The following PTPRN2 variants were observed in gnomAD, a reference collection of about 807,000 sequenced individuals.
PTPRN2 encodes protein tyrosine phosphatase receptor type N2.
A neutral mutation model predicts 118.8 loss-of-function variants in PTPRN2; 74 were observed. That is an observed-to-expected ratio of 0.62 (90% CI 0.52 to 0.76). PTPRN2 has a LOEUF of 0.76. Among genes scored for constraint, PTPRN2 ranks in the 30% least tolerant of loss-of-function variants. The pLI is 0.00. For synonymous variants in PTPRN2, 641 were observed against 608.0 expected, an observed-to-expected ratio of 1.05 and a Z score of -0.80; for missense variants, 1,481 against 1,394.4, an observed-to-expected ratio of 1.06 and a Z score of -0.99.
At chr7:157,834,532 A>C (rs58299057) in intron 12 of PTPRN2, among the ~76,000 whole-genome samples, 11,049 of 129,640 alleles carry the variant, frequency 0.085, 1,301 homozygotes, top group African/African-American at 0.25. Context: ...AGTGAGCCAG[A>C]AGCACTCCCT....
chr7:158,071,376 G>C (rs1296787850), intron 11 of PTPRN2, among the ~76,000 whole-genome samples: 1 of 110,194 alleles, frequency 9.1e-6, no homozygotes, highest in Non-Finnish European at 1.9e-5. Context: ...CATGGTGGTG[G>C]AGGTGCTCGT....
At chr7:158,168,384 G>A (rs1823225444) in intron 5 of PTPRN2, among the ~76,000 whole-genome samples, 1 of 152,178 alleles carries the variant, frequency 6.6e-6, no homozygotes, top group Non-Finnish European at 1.5e-5. Context: ...GGTGGCTAAT[G>A]ATGCTGCATC....
chr7:158,263,621 T>C (rs1488927691), intron 3 of PTPRN2, among the ~76,000 whole-genome samples: 1 of 152,142 alleles, frequency 6.6e-6, no homozygotes, highest in African/African-American at 2.4e-5. Flanking sequence ...TGGGTGAGGG[T>C]CTACTTCCAA....
intron 3 of PTPRN2, among the ~76,000 whole-genome samples, chr7:158,299,627 G>T (rs1239918328): frequency 1.1e-4 from 16 of 152,100 alleles, no homozygotes; most frequent in Non-Finnish European, 1.3e-4. Flanking sequence ...CATTAACATG[G>T]CAAAGACAGA....
intron 13 of PTPRN2, among the ~76,000 whole-genome samples, chr7:157,662,647 G>C (rs1042988474): frequency 6.6e-6 from 1 of 152,190 alleles, no homozygotes; most frequent in African/African-American, 2.4e-5. Flanking sequence ...GCAGGCATGG[G>C]GCCTGGAGGT....
At chr7:158,551,547 T>G (rs1364232739) in intron 1 of PTPRN2, among the ~76,000 whole-genome samples, 3 of 137,020 alleles carry the variant, frequency 2.2e-5, no homozygotes, top group Non-Finnish European at 4.7e-5. Flanking sequence ...ACACATGCAT[T>G]TGGGGGCCCC....
At chr7:158,353,898 C>G (rs1808191646) in intron 2 of PTPRN2, among the ~76,000 whole-genome samples, 1 of 152,182 alleles carries the variant, frequency 6.6e-6, no homozygotes, top group African/African-American at 2.4e-5. Context: ...AAGGGAGAAA[C>G]AGCCCTGAGG....
intron 10 of PTPRN2, among the ~76,000 whole-genome samples, chr7:158,098,184 G>C (rs991613675): frequency 2.6e-5 from 4 of 152,242 alleles, no homozygotes; most frequent in Admixed American, 6.5e-5. Flanking sequence ...CCCAGCGTGG[G>C]GCAGCCTCTG....
At chr7:158,577,598 CTG>C (rs1828409491) in intron 1 of PTPRN2, among the ~76,000 whole-genome samples, 1 of 152,398 alleles carries the variant, frequency 6.6e-6, no homozygotes, top group South Asian at 2.1e-4. Flanking sequence ...CTGCACAACA[CTG>C]TGGGCTCCTA....
intron 11 of PTPRN2, among the ~76,000 whole-genome samples, chr7:157,997,230 CTG>C (rs1408843491): frequency 2.0e-5 from 3 of 152,232 alleles, no homozygotes; most frequent in Admixed American, 1.3e-4. Flanking sequence ...TCCATTTGCT[CTG>C]TGTCTGTGGA....
chr7:158,153,175 A>G (rs1821371646), intron 6 of PTPRN2, among the ~76,000 whole-genome samples: 1 of 152,284 alleles, frequency 6.6e-6, no homozygotes, highest in Non-Finnish European at 1.5e-5. Context: ...CCAGGCCATC[A>G]AGCATTCGGA....
At chr7:157,687,198 G>C (rs28651953) in intron 12 of PTPRN2, among the ~76,000 whole-genome samples, 1 of 152,038 alleles carries the variant, frequency 6.6e-6, no homozygotes. Flanking sequence ...AGCCATTTAC[G>C]GGAAAATGCC....
chr7:157,783,088 T>A (rs918968714), intron 12 of PTPRN2, among the ~76,000 whole-genome samples: 3 of 152,206 alleles, frequency 2.0e-5, no homozygotes, highest in Non-Finnish European at 4.4e-5. Flanking sequence ...CCCCCTTTGC[T>A]CGGCACTTCT....
chr7:157,904,042 C>T (rs1290055565), intron 11 of PTPRN2, among the ~76,000 whole-genome samples: 1 of 152,196 alleles, frequency 6.6e-6, no homozygotes, highest in Non-Finnish European at 1.5e-5. Context: ...GTATCTGCTG[C>T]GTGTCTGAGA....
At chr7:157,564,545 G>A (rs188016204) in intron 21 of PTPRN2, among the ~76,000 whole-genome samples, 13 of 152,342 alleles carry the variant, frequency 8.5e-5, no homozygotes, top group African/African-American at 3.1e-4. Flanking sequence ...TGATAAGGGA[G>A]TAGTATTCAG....
At position 157,671,742 on chromosome 7, in the gene PTPRN2, T is replaced by C. The variant is rs1309568040; in HGVS notation, c.2001+10983A>G. On this transcript the variant is annotated intron_variant, in intron 13 of 22. Coordinates refer to ENST00000389418, the MANE Select transcript of PTPRN2 (RefSeq NM_002847.5). The surrounding 1 kb of genome is among the most constrained non-coding windows in gnomAD (Gnocchi z 4.1). ...TGCACGTCGTTCTGGGGCCCAATTATTCTACCTAAAACTGATCTGAGTGAC... is the reference window on the plus strand; with the variant it reads ...TGCACGTCGTTCTGGGGCCCAATTACTCTACCTAAAACTGATCTGAGTGAC... Among the ~76,000 whole-genome samples the C allele has an allele frequency of 6.6e-6, 1 of 152,182 alleles. No homozygotes were observed. Among genetic ancestry groups the C allele is most frequent in the African/African-American group, 2.4e-5 (1 of 41,530 alleles).
At chr7:157,566,280 G>C (rs1402305299) in intron 21 of PTPRN2, among the ~76,000 whole-genome samples, 4 of 152,240 alleles carry the variant, frequency 2.6e-5, no homozygotes, top group Non-Finnish European at 5.9e-5. Context: ...AAGGGAAATG[G>C]GAAGAAAGGT....
In PTPRN2 at chr7:158,133,919, T is replaced by C; in HGVS notation, c.1314A>G (p.Glu438=). The C allele has an allele frequency of 6.2e-7, 1 of 1,613,992 alleles. No homozygotes were observed. The highest frequency in any genetic ancestry group is 8.5e-7 in the Non-Finnish European group (1 of 1,180,044). The part of the protein sequence containing the change: ...SEHPESSLSS[E]EETAGVENVK... The stretch of plus-strand genomic sequence containing the variant: ...CGTTCTCCACTCCGGCAGTCTCCTC[T>C]TCTGAAGACAGGGAAGACTCAGGGT... The change falls in exon 9 of 23, where the codon GAA becomes GAG. Residue 438 remains glutamate, a synonymous_variant. Transcript: ENST00000389418.
chr7:157,633,282 AG>A (rs1476038918), intron 14 of PTPRN2, among the ~76,000 whole-genome samples: 1 of 152,226 alleles, frequency 6.6e-6, no homozygotes, highest in East Asian at 1.9e-4. Context: ...CTAGGACTAC[AG>A]GTGCAAACCA....
Sources: gnomAD v4.1 joint callset for allele counts (sites outside exome capture counted in the v4.1 genomes callset) on GRCh38, gnomAD v4.1.1 for gene constraint, Gnocchi (gnomAD v3.1) non-coding constraint, MANE v1.5 for transcripts, NCBI Gene and HGNC (gene_info 2026-07-23, HGNC 2026-07-21) for gene names.